HTR1F: variants seen among roughly 807,000 people sequenced by gnomAD.
HTR1F encodes 5-hydroxytryptamine receptor 1F.
Under a neutral mutation model 24.0 loss-of-function variants are expected in HTR1F, and 17 were observed. The ratio of observed to expected loss-of-function variants is 0.71; its 90% CI spans 0.48 to 1.06. The LOEUF (loss-of-function observed/expected upper bound fraction) is 1.06, where lower values mean the gene tolerates loss of function less well. Ranked by LOEUF, HTR1F falls within the 50% of genes least tolerant of loss-of-function variation. HTR1F has a pLI of 0.00. For missense variants in HTR1F, 391 were observed against 427.8 expected (o/e 0.91, Z 0.76); for synonymous variants, 186 against 156.8 (o/e 1.19, Z -1.39).
chr3:87,943,955 C>T (rs1406996004), intron 2 of HTR1F, among the ~76,000 whole-genome samples: 1 of 152,184 alleles, frequency 6.6e-6, no homozygotes, highest in Non-Finnish European at 1.5e-5. Flanking sequence ...ATAGGGATGC[C>T]AGCACCCCTA....
At chr3:87,914,306 C>G (rs779503824) in intron 2 of HTR1F, among the ~76,000 whole-genome samples, 1 of 152,142 alleles carries the variant, frequency 6.6e-6, no homozygotes, top group African/African-American at 2.4e-5. Flanking sequence ...AAATCTCCAG[C>G]TGAATTTTGT....
intron 2 of HTR1F, among the ~76,000 whole-genome samples, chr3:87,951,205 G>A (rs977889347): frequency 2.6e-5 from 4 of 152,074 alleles, no homozygotes; most frequent in Non-Finnish European, 4.4e-5. Flanking sequence ...GTAAGTTTTT[G>A]CATACCATTC....
intron 2 of HTR1F, among the ~76,000 whole-genome samples, chr3:87,953,136 T>G (rs973482960): frequency 6.6e-6 from 1 of 151,580 alleles, no homozygotes; most frequent in Non-Finnish European, 1.5e-5. Context: ...AGGACATTAG[T>G]CTAAGCAAAT....
At chr3:87,917,395 A>C (rs1703917493) in intron 2 of HTR1F, among the ~76,000 whole-genome samples, 1 of 151,768 alleles carries the variant, frequency 6.6e-6, no homozygotes, top group African/African-American at 2.4e-5. Context: ...CAAAAAAAAA[A>C]AAAATACAAA....
intron 2 of HTR1F, among the ~76,000 whole-genome samples, chr3:87,985,744 G>C (rs1186816720): frequency 6.6e-6 from 1 of 152,182 alleles, no homozygotes; most frequent in Non-Finnish European, 1.5e-5. Context: ...ATTTGTGTAT[G>C]ACAACCATCC....
chr3:87,988,919 AT>A (rs1242029071), intron 2 of HTR1F, among the ~76,000 whole-genome samples: 1 of 152,046 alleles, frequency 6.6e-6, no homozygotes, highest in Middle Eastern at 3.2e-3. Flanking sequence ...TATATGTATG[AT>A]TACTCATATT....
At chr3:87,956,778 A>G (rs1202317315) in intron 2 of HTR1F, among the ~76,000 whole-genome samples, 2 of 151,280 alleles carry the variant, frequency 1.3e-5, no homozygotes, top group Admixed American at 1.3e-4. Context: ...TTTACCAATT[A>G]TTTGCTATTA....
At chr3:87,860,353 T>C (rs1559609054) in intron 2 of HTR1F, among the ~76,000 whole-genome samples, 1 of 152,226 alleles carries the variant, frequency 6.6e-6, no homozygotes, top group Non-Finnish European at 1.5e-5. Flanking sequence ...GTAGTTTTTG[T>C]TGCTATTTGA....
intron 2 of HTR1F, among the ~76,000 whole-genome samples, chr3:87,861,406 C>A (rs377523412): frequency 6.6e-6 from 1 of 152,008 alleles, no homozygotes; most frequent in Non-Finnish European, 1.5e-5. Flanking sequence ...AGAGCTTTAC[C>A]TCCTGAAAAT....
chr3:87,945,940 G>A (rs1311924264), intron 2 of HTR1F, among the ~76,000 whole-genome samples: 1 of 152,136 alleles, frequency 6.6e-6, no homozygotes, highest in Non-Finnish European at 1.5e-5. Context: ...CAAGATGGTG[G>A]CAAGCCTCGG....
intron 2 of HTR1F, among the ~76,000 whole-genome samples, chr3:87,845,789 T>C (rs1246847143): frequency 6.6e-6 from 1 of 151,876 alleles, no homozygotes; most frequent in Non-Finnish European, 1.5e-5. Context: ...CAACAAAAAC[T>C]CGCTATTACC....
At chr3:87,893,290 C>G (rs189085873) in intron 2 of HTR1F, among the ~76,000 whole-genome samples, 9 of 152,024 alleles carry the variant, frequency 5.9e-5, no homozygotes, top group Admixed American at 3.3e-4. Flanking sequence ...TGGTATCAAC[C>G]CCAAGCATTA....
Position 87,967,325 on chromosome 3 carries a change from C to T in HTR1F, c.-42-23383C>T, listed in dbSNP as rs1279670519. On this transcript the variant is annotated intron_variant, in intron 2 of 2. Coordinates refer to ENST00000319595, the MANE Select transcript of HTR1F (RefSeq NM_001322209.2). Reference sequence around the variant, plus strand: ...ATTAGCCGGGCATGGTGGCACACTCCTGTAATCCCCGCTACTCAGGAGGCT... The same window carrying T: ...ATTAGCCGGGCATGGTGGCACACTCTTGTAATCCCCGCTACTCAGGAGGCT... Among the ~76,000 whole-genome samples the T allele has an allele frequency of 3.3e-5, 5 of 152,218 alleles. No homozygotes were observed. In the East Asian group the frequency reaches 9.7e-4, roughly 29 times the overall value.
chr3:87,980,393 G>C (rs1705514579), intron 2 of HTR1F, among the ~76,000 whole-genome samples: 1 of 152,144 alleles, frequency 6.6e-6, no homozygotes, highest in Non-Finnish European at 1.5e-5. Context: ...CCTATCCATG[G>C]GCAGGTCATC....
chr3:87,861,439 T>G (rs1705316446), intron 2 of HTR1F, among the ~76,000 whole-genome samples: 1 of 152,106 alleles, frequency 6.6e-6, no homozygotes, highest in Non-Finnish European at 1.5e-5. Context: ...TAATCTTCAA[T>G]TAGAAGAACA....
intron 2 of HTR1F, among the ~76,000 whole-genome samples, chr3:87,891,131 G>A (rs192765369): frequency 2.9e-4 from 44 of 152,082 alleles, no homozygotes; most frequent in African/African-American, 1.0e-3. Context: ...ATGAGCCACC[G>A]CACCCAGCTC....
intron 2 of HTR1F, among the ~76,000 whole-genome samples, chr3:87,904,046 C>A (rs1176466278): frequency 6.6e-6 from 1 of 152,052 alleles, no homozygotes; most frequent in Non-Finnish European, 1.5e-5. Flanking sequence ...TCCAGTTAAA[C>A]ACAAAATGAA....
At chr3:87,883,194 C>T (rs1321147356) in intron 2 of HTR1F, among the ~76,000 whole-genome samples, 1 of 152,180 alleles carries the variant, frequency 6.6e-6, no homozygotes, top group Non-Finnish European at 1.5e-5. Context: ...TGGAGTGGAC[C>T]TCCAGCAAAC....
chr3:87,816,542 C>T (rs75677489), intron 1 of HTR1F, among the ~76,000 whole-genome samples: 1 of 152,166 alleles, frequency 6.6e-6, no homozygotes, highest in African/African-American at 2.4e-5. Context: ...CTGATTTTCT[C>T]AACTCAGAAG....
Sources: allele counts gnomAD v4.1 joint callset (sites outside exome capture counted in the v4.1 genomes callset), GRCh38; gene constraint gnomAD v4.1.1; transcripts MANE v1.5; gene names NCBI Gene and HGNC (gene_info 2026-07-23, HGNC 2026-07-21).